RBFOX3: variants seen among roughly 807,000 people sequenced by gnomAD.
RBFOX3 encodes RNA binding protein fox-1 homolog 3.
Under a neutral mutation model 48.7 loss-of-function variants are expected in RBFOX3, and 17 were observed. That is an observed-to-expected ratio of 0.35 (90% CI 0.24 to 0.52). RBFOX3 has a LOEUF of 0.52. RBFOX3 is among the 20% of genes least tolerant of loss of function. The pLI is 0.94. For synonymous variants in RBFOX3, 212 were observed against 209.5 expected (o/e 1.01, Z -0.10); for missense variants, 382 against 497.5 (o/e 0.77, Z 2.21).
At chr17:79,155,083 C>G (rs191438624) in intron 4 of RBFOX3, among the ~76,000 whole-genome samples, 1 of 152,242 alleles carries the variant, frequency 6.6e-6, no homozygotes, top group Non-Finnish European at 1.5e-5. Context: ...TGCCACGGCA[C>G]GTGAGCTCGG....
chr17:79,197,772 G>C (rs1468810466), intron 4 of RBFOX3, among the ~76,000 whole-genome samples: 1 of 152,032 alleles, frequency 6.6e-6, no homozygotes, highest in Non-Finnish European at 1.5e-5. Flanking sequence ...GTGTCTAGCT[G>C]GGCAGTTCCT....
At chr17:79,470,371 TG>T (rs1330434143) in intron 2 of RBFOX3, among the ~76,000 whole-genome samples, 1 of 151,686 alleles carries the variant, frequency 6.6e-6, no homozygotes, top group Non-Finnish European at 1.5e-5. Flanking sequence ...GGCTGGCGGG[TG>T]GGCTAGGGCT....
intron 4 of RBFOX3, among the ~76,000 whole-genome samples, chr17:79,203,625 G>T (rs2057105711): frequency 6.8e-6 from 1 of 147,132 alleles, no homozygotes; most frequent in Non-Finnish European, 1.5e-5. Context: ...GGTGGGTGGA[G>T]GGTGAAGGGG....
the RBFOX3 span, among the ~76,000 whole-genome samples, chr17:79,647,326 C>T: frequency 6.6e-6 from 1 of 152,098 alleles, no homozygotes; most frequent in African/African-American, 2.4e-5. Flanking sequence ...TCCTCTCTCC[C>T]ATAGCCTCCA....
At chr17:79,495,599 T>A (rs1171505767) in intron 1 of RBFOX3, among the ~76,000 whole-genome samples, 2 of 4,774 alleles carry the variant, frequency 4.2e-4, no homozygotes, top group Non-Finnish European at 5.2e-4. Flanking sequence ...GGGGGAGGGG[T>A]ACAGAGGGTG....
chr17:79,275,202 G>A (rs1306720552), intron 3 of RBFOX3, among the ~76,000 whole-genome samples: 1 of 83,024 alleles, frequency 1.2e-5, no homozygotes, highest in Non-Finnish European at 2.6e-5. Flanking sequence ...CTCCTCCCCT[G>A]GCCTCATGTT....
intron 1 of RBFOX3, among the ~76,000 whole-genome samples, chr17:79,525,954 A>C (rs2086738322): frequency 6.6e-6 from 1 of 152,152 alleles, no homozygotes; most frequent in African/African-American, 2.4e-5. Context: ...TGTGGAGACA[A>C]GCCACCGCCA....
the RBFOX3 span, among the ~76,000 whole-genome samples, chr17:79,641,483 G>A: frequency 1.3e-5 from 2 of 152,152 alleles, no homozygotes; most frequent in African/African-American, 2.4e-5. Flanking sequence ...GTTTCTCAAA[G>A]AGACAACTGC....
chr17:79,155,671 ACT>A (rs2045621885), intron 4 of RBFOX3, among the ~76,000 whole-genome samples: 1 of 151,054 alleles, frequency 6.6e-6, no homozygotes, highest in Admixed American at 6.6e-5. Flanking sequence ...AGAACGACCA[ACT>A]CTCTGACCAG....
At chr17:79,257,728 A>C (rs962229879) in intron 3 of RBFOX3, among the ~76,000 whole-genome samples, 1 of 151,940 alleles carries the variant, frequency 6.6e-6, no homozygotes, top group African/African-American at 2.4e-5. Context: ...CTACAGGCAC[A>C]TGGCACCACA....
intron 4 of RBFOX3, among the ~76,000 whole-genome samples, chr17:79,165,669 G>A (rs2047851709): frequency 6.6e-6 from 1 of 152,220 alleles, no homozygotes; most frequent in African/African-American, 2.4e-5. Context: ...TCCTTTCGCA[G>A]GTGCCTCAGA....
chr17:79,636,050 A>C, the RBFOX3 span, among the ~76,000 whole-genome samples: 35,412 of 152,038 alleles, frequency 0.23, 4,398 homozygotes, highest in African/African-American at 0.3. Context: ...TGAAAATTCC[A>C]TTTCCAGGAA....
At chr17:79,231,952 A>G (rs1447983165) in intron 4 of RBFOX3, among the ~76,000 whole-genome samples, 1 of 152,344 alleles carries the variant, frequency 6.6e-6, no homozygotes, top group African/African-American at 2.4e-5. Flanking sequence ...ACAGTTCCAC[A>G]TGGCCGGGGA....
At chr17:79,162,072 G>A (rs1326077308) in intron 4 of RBFOX3, among the ~76,000 whole-genome samples, 1 of 152,188 alleles carries the variant, frequency 6.6e-6, no homozygotes, top group Non-Finnish European at 1.5e-5. Context: ...AGAATTGGGA[G>A]CCAGAAAAAG....
At chr17:79,367,589 G>A (rs2057966302) in intron 2 of RBFOX3, among the ~76,000 whole-genome samples, 1 of 152,104 alleles carries the variant, frequency 6.6e-6, no homozygotes, top group Non-Finnish European at 1.5e-5. Flanking sequence ...TTAAGGTTTA[G>A]ATTGCAAAAG....
intron 1 of RBFOX3, among the ~76,000 whole-genome samples, chr17:79,594,669 T>C (rs1435396603): frequency 6.6e-6 from 1 of 152,242 alleles, no homozygotes; most frequent in African/African-American, 2.4e-5. Flanking sequence ...ATTTTTTAAA[T>C]ACAGAACTGT....
chr17:79,474,661 C>T (rs2077473292), intron 2 of RBFOX3, among the ~76,000 whole-genome samples: 1 of 152,146 alleles, frequency 6.6e-6, no homozygotes, highest in African/African-American at 2.4e-5. Context: ...TCCATTCCCC[C>T]TCATTCCCTG....
chr17:79,348,183 G>T (rs1448374374), intron 2 of RBFOX3, among the ~76,000 whole-genome samples: 1 of 152,208 alleles, frequency 6.6e-6, no homozygotes, highest in Non-Finnish European at 1.5e-5. Context: ...TGACTGCTGG[G>T]GTCAGGTGGG....
intron 2 of RBFOX3, among the ~76,000 whole-genome samples, chr17:79,379,894 G>A (rs2059678073): frequency 1.3e-5 from 2 of 152,112 alleles, no homozygotes; most frequent in African/African-American, 2.4e-5. Context: ...AGGCCCGCAC[G>A]AGTCTGCATG....
Sources: allele counts gnomAD v4.1 joint callset (sites outside exome capture counted in the v4.1 genomes callset), GRCh38; gene constraint gnomAD v4.1.1; transcripts MANE v1.5; gene names NCBI Gene and HGNC (gene_info 2026-07-23, HGNC 2026-07-21).